The following GPR35 variants were observed in gnomAD, a reference collection of about 807,000 sequenced individuals.
The protein encoded by GPR35 is G protein-coupled receptor 35, also known as KYNA receptor.
For synonymous variants in GPR35, 207 were observed against 198.4 expected (o/e 1.04, Z -0.36); for missense variants, 372 against 422.5 (o/e 0.88, Z 1.05).
At position 240,630,353 on chromosome 2, in the gene GPR35, C is replaced by T. The variant is rs368384952; in HGVS notation, c.401C>T (p.Ala134Val). The change falls in exon 2 of 2, where the codon GCG (alanine) becomes GTG (valine). Residue 134 changes from alanine (A) to valine (V), a missense_variant. Physicochemically the swap from Ala to Val is moderately conservative, Grantham distance 64. Coordinates refer to ENST00000407714, the MANE Select transcript of GPR35 (RefSeq NM_005301.5). ...GGGCTGCGGTCCCCCAGGCAGGCTG[C>T]GGCCGTGTGCGCGGTCCTCTGGGTG... ...ARGLRSPRQA[A>V]AVCAVLWVLV... 4.7e-5 allele frequency: 76 copies of T among 1,603,958 alleles called. No homozygotes were observed. Among genetic ancestry groups the T allele is most frequent in the African/African-American group, 2.7e-4 (20 of 75,002 alleles).
chr2:240,613,863 C>T (rs1456400414), intron 2 of GPR35, among the ~76,000 whole-genome samples: 1 of 151,380 alleles, frequency 6.6e-6, no homozygotes, highest in East Asian at 1.9e-4. Flanking sequence ...AAAACTCTAA[C>T]CCTAACCCTA....
chr2:240,610,253 G>A (rs2043169803), intron 2 of GPR35, among the ~76,000 whole-genome samples: 1 of 151,818 alleles, frequency 6.6e-6, no homozygotes, highest in African/African-American at 2.4e-5. Context: ...CCAACACGCT[G>A]GTCCGTGAAA....
chr2:240,619,937 C>G (rs1366387512), intron 5 of GPR35, among the ~76,000 whole-genome samples: 1 of 152,172 alleles, frequency 6.6e-6, no homozygotes, highest in Non-Finnish European at 1.5e-5. Context: ...ATGGCTCTCT[C>G]TGCTGAGAAG....
chr2:240,623,367 C>CGCAAACAGATCGTGAGGGT (rs2043324804), upstream of GPR35, among the ~76,000 whole-genome samples: 1 of 81,858 alleles, frequency 1.2e-5, no homozygotes. Flanking sequence ...GTCGTGAGGG[C>CGCAAACAGATCGTGAGGGT]GCAAACAGGT....
Position 240,630,096 on chromosome 2 carries a change from C to T in GPR35, c.144C>T (p.Arg48=), listed in dbSNP as rs755622242. ...TGGCGCTCTGGGTGTTCTGCTGCCGCATGCAGCAGTGGACGGAGACCCGCA... is the reference window on the plus strand; with the variant it reads ...TGGCGCTCTGGGTGTTCTGCTGCCGTATGCAGCAGTGGACGGAGACCCGCA... ...NSLALWVFCC[R]MQQWTETRIY... is the part of the protein sequence containing the mutation. The change falls in exon 2 of 2, where the codon CGC becomes CGT. Residue 48 remains arginine (R), a synonymous_variant. Transcript: ENST00000407714. The T allele has an allele frequency of 5.3e-5, 86 of 1,609,774 alleles. No homozygotes were observed. The highest frequency in any genetic ancestry group is 4.9e-4 in the Middle Eastern group (3 of 6,078).
chr2:240,621,102 C>T (rs2043288366), upstream of GPR35, among the ~76,000 whole-genome samples: 1 of 152,156 alleles, frequency 6.6e-6, no homozygotes, highest in South Asian at 2.1e-4. Context: ...CTCTCGGGGT[C>T]CACAACTGAG....
chr2:240,630,590 G>T lies in GPR35; in HGVS notation c.638G>T (p.Arg213Leu), dbSNP rs376362528. 15 of 1,612,766 alleles carry T rather than the reference G, an allele frequency of 9.3e-6. No homozygotes were observed. Among genetic ancestry groups the T allele is most frequent in the Non-Finnish European group, 1.2e-5 (14 of 1,179,932 alleles). The change falls in exon 2 of 2, where the codon CGC becomes CTC. Residue 213 changes from arginine to leucine, a missense_variant. Transcript: ENST00000407714. ...PTDVGQAEAT[R>L]KAARMVWANL... is the part of the protein sequence containing the mutation. ...GACGTGGGGCAGGCAGAGGCCACCC[G>T]CAAGGCTGCCCGCATGGTCTGGGCC...
rs2043432963 is a variant in GPR35 at position 240,630,586 on chromosome 2, AC to A, written c.637del (p.Arg213AlafsTer25). The A allele has an allele frequency of 1.9e-6, 3 of 1,612,698 alleles. No homozygotes were observed. Among genetic ancestry groups the A allele is most frequent in the Non-Finnish European group, 2.5e-6 (3 of 1,179,934 alleles). On this transcript the variant is annotated frameshift_variant, in exon 2 of 2. Coordinates refer to ENST00000407714, the MANE Select transcript of GPR35 (RefSeq NM_005301.5). LOFTEE classifies it low-confidence loss of function (END_TRUNC). ...PPTDVGQAEA[T>X]RKAARMVWAN... is the part of the protein sequence containing the mutation. ...CACCGACGTGGGGCAGGCAGAGGCC[AC>A]CCGCAAGGCTGCCCGCATGGTCTGG... is the stretch of plus-strand genomic sequence containing the variant.
At chr2:240,611,096 C>T (rs867844593) in intron 2 of GPR35, among the ~76,000 whole-genome samples, 1 of 152,022 alleles carries the variant, frequency 6.6e-6, no homozygotes, top group African/African-American at 2.4e-5. Context: ...CTACGCCCAG[C>T]TGTGTTTTTT....
At chr2:240,625,163 G>T, upstream of GPR35, 1 of 644,644 alleles carries the variant, frequency 1.6e-6, no homozygotes, top group African/African-American at 2.0e-5. Context: ...TGACAGGGCA[G>T]AAGTGGGCTG....
chr2:240,627,264 C>A (rs777356325), intron 1 of GPR35, among the ~76,000 whole-genome samples: 23 of 152,194 alleles, frequency 1.5e-4, no homozygotes, highest in Non-Finnish European at 2.5e-4. Flanking sequence ...CCAGGGGCCC[C>A]ATGCCATCTG....
chr2:240,625,882 G>C (rs1012650706), intron 1 of GPR35, among the ~76,000 whole-genome samples: 139 of 125,740 alleles, frequency 1.1e-3, no homozygotes, highest in Non-Finnish European at 1.8e-3. Flanking sequence ...GGGTGAGGCT[G>C]TGATGGGGGT....
At chr2:240,623,622 G>C (rs538566259), upstream of GPR35, among the ~76,000 whole-genome samples, 2 of 152,286 alleles carry the variant, frequency 1.3e-5, no homozygotes, top group African/African-American at 4.8e-5. Flanking sequence ...GGAGGGGGCA[G>C]AGCACGAGGG....
At chr2:240,626,560 T>C (rs1375325666) in intron 1 of GPR35, among the ~76,000 whole-genome samples, 2 of 151,994 alleles carry the variant, frequency 1.3e-5, no homozygotes, top group Non-Finnish European at 2.9e-5. Context: ...TAGCAGCTTG[T>C]TGGAGTGTGG....
At chr2:240,611,378 C>T (rs553205488) in intron 2 of GPR35, among the ~76,000 whole-genome samples, 1 of 152,218 alleles carries the variant, frequency 6.6e-6, no homozygotes, top group Non-Finnish European at 1.5e-5. Context: ...TTCATCTCCT[C>T]TGTTCTTTGT....
At position 240,630,770 on chromosome 2, in the gene GPR35, C is replaced by T. The variant is rs1009514865; in HGVS notation, c.818C>T (p.Ala273Val). Residue 273 changes from alanine (A) to valine (V), a missense_variant, in exon 2 of 2, where the codon GCC (alanine) becomes GTC (valine). By Grantham distance (64) the Ala-to-Val change is moderately conservative. Transcript: ENST00000407714. ...KLSDANCCLD[A>V]ICYYYMAKEF... ...TCAGATGCCAACTGCTGCCTGGACG[C>T]CATCTGCTACTACTACATGGCCAAG... The T allele has an allele frequency of 3.7e-6, 6 of 1,613,454 alleles. No individual in the cohort carries two copies. The Admixed American group carries it at 5.0e-5, about 13-fold the overall frequency.
In GPR35 at chr2:240,630,972, C is replaced by G; in HGVS notation, c.*90C>G. The G allele has an allele frequency of 1.8e-6, 2 of 1,135,774 alleles. No individual in the cohort carries two copies. Among genetic ancestry groups the G allele is most frequent in the Non-Finnish European group, 1.3e-6 (1 of 774,510 alleles). 70.4% of individuals were successfully genotyped at this position (1,135,774 alleles called of 1,614,324 possible). The stretch of plus-strand genomic sequence containing the variant: ...AAGCTGGAACCAGTAGCAAGGAGCC[C>G]GAGATCAGCCCTGAACTCACTGTGT... On this transcript the variant is annotated 3_prime_UTR_variant, in exon 2 of 2. Coordinates refer to ENST00000407714, the MANE Select transcript of GPR35 (RefSeq NM_005301.5).
rs2043225383 is a variant in GPR35, at chr2:240,615,002, ATG to A, written c.-576-1380_-576-1379del. Among the ~76,000 whole-genome samples, 3 of 152,006 alleles carry A rather than the reference ATG, an allele frequency of 2.0e-5. No homozygotes were observed. In the South Asian group the frequency reaches 6.2e-4, roughly 32 times the overall value. ...TATGTGTGTTTATATGCGAGTGTGCATGTGTGTATGCAGTGCTTGTGTGATGT... is the reference window on the plus strand; with the variant it reads ...TATGTGTGTTTATATGCGAGTGTGCATGTGTATGCAGTGCTTGTGTGATGT... On this transcript the variant is annotated intron_variant, in intron 2 of 5. Coordinates refer to the GPR35 transcript ENST00000319838.
At position 240,632,799 on chromosome 2, in the gene GPR35, C is replaced by G. The variant is rs897288135; in HGVS notation, c.*1917C>G. Among the ~76,000 whole-genome samples, 4 of 152,210 alleles carry G rather than the reference C, an allele frequency of 2.6e-5. No individual in the cohort carries two copies. Among genetic ancestry groups the G allele is most frequent in the African/African-American group, 9.6e-5 (4 of 41,452 alleles). On this transcript the variant is annotated 3_prime_UTR_variant, in exon 2 of 2. Transcript: ENST00000407714. ...AAAAGTGTCCATGCCCAGGAAGGTC[C>G]ATGTCCAGAAGAGTCCATACCCAGG...
Sources: gnomAD v4.1 joint callset for allele counts (sites outside exome capture counted in the v4.1 genomes callset) on GRCh38, gnomAD v4.1.1 for gene constraint, MANE v1.5 for transcripts, NCBI Gene and HGNC (gene_info 2026-07-23, HGNC 2026-07-21) for gene names.